Variants in PDIA5 observed in about 807,000 individuals in gnomAD.
PDIA5 encodes the protein protein disulfide-isomerase A5.
A neutral mutation model predicts 77.6 loss-of-function variants in PDIA5; 58 were observed. The ratio of observed to expected loss-of-function variants is 0.75; its 90% CI spans 0.61 to 0.93. The LOEUF is 0.93. Among genes scored for constraint, PDIA5 ranks in the 40% least tolerant of loss-of-function variants. The pLI is 0.00. For synonymous variants in PDIA5, 250 were observed against 252.1 expected (o/e 0.99, Z 0.08); for missense variants, 630 against 647.7 (o/e 0.97, Z 0.30).
At chr3:123,151,773 TG>T (rs1935903128) in intron 14 of PDIA5, among the ~76,000 whole-genome samples, 1 of 136,300 alleles carries the variant, frequency 7.3e-6, no homozygotes, top group African/African-American at 2.7e-5. Flanking sequence ...CCTGCCTGCC[TG>T]CCTGCCTGGC....
chr3:123,122,246 A>G (rs1175947856), intron 8 of PDIA5, among the ~76,000 whole-genome samples: 1 of 152,140 alleles, frequency 6.6e-6, no homozygotes, highest in Admixed American at 6.5e-5. Context: ...TCTGTGGTGA[A>G]TGTGCACTGA....
chr3:123,140,598 A>G (rs200773921), intron 11 of PDIA5, among the ~76,000 whole-genome samples: 1 of 90,786 alleles, frequency 1.1e-5, no homozygotes, highest in African/African-American at 6.5e-5. Context: ...GATGTTGCCT[A>G]TCCATCAGAG....
chr3:123,128,368 C>T (rs2107963598), intron 10 of PDIA5, among the ~76,000 whole-genome samples: 1 of 152,258 alleles, frequency 6.6e-6, no homozygotes, highest in Middle Eastern at 3.4e-3. Context: ...ACTAGAAGTT[C>T]CTCCCGTTCT....
At chr3:123,125,270 C>T (rs1935216840) in intron 10 of PDIA5, among the ~76,000 whole-genome samples, 2 of 152,232 alleles carry the variant, frequency 1.3e-5, no homozygotes, top group Admixed American at 1.3e-4. Context: ...ATCTTTTGGG[C>T]TCTCCTTTGT....
chr3:123,130,363 C>G, intron 10 of PDIA5, 117 bp from the exon 11 acceptor site: 1 of 1,130,654 alleles, frequency 8.8e-7, no homozygotes, highest in Non-Finnish European at 1.2e-6. Context: ...AAAGGCTGAG[C>G]CCCTGGAGTG....
chr3:123,122,323 G>A (rs765844247), intron 8 of PDIA5, among the ~76,000 whole-genome samples: 9 of 152,168 alleles, frequency 5.9e-5, no homozygotes, highest in Non-Finnish European at 1.0e-4. Context: ...ACTGGAACAG[G>A]CCGCTGGAGC....
intron 15 of PDIA5, among the ~76,000 whole-genome samples, chr3:123,156,330 C>T (rs944513514): frequency 2.6e-5 from 4 of 152,192 alleles, no homozygotes; most frequent in Non-Finnish European, 4.4e-5. Flanking sequence ...GCCCTGGCTG[C>T]GGCTTTGAGG....
chr3:123,116,156 TG>T, intron 7 of PDIA5, 74 bp from the exon 8 acceptor site: 1 of 1,186,682 alleles, frequency 8.4e-7, no homozygotes, highest in Non-Finnish European at 1.3e-6. Context: ...AGGATGGCCA[TG>T]GGGAGGCAGG....
intron 1 of PDIA5, chr3:123,088,958 C>T: frequency 2.0e-6 from 1 of 502,020 alleles, no homozygotes; most frequent in Non-Finnish European, 3.6e-6. Flanking sequence ...TCCATACAGC[C>T]TTATAAAAGT....
At chr3:123,145,211 A>C in intron 11 of PDIA5, 1 of 291,178 alleles carries the variant, frequency 3.4e-6, no homozygotes, top group South Asian at 6.6e-5. Context: ...TCTAATCCAT[A>C]GAATGGAGAT....
At position 123,116,234 on chromosome 3, in the gene PDIA5, G is replaced by A. The variant is rs1285931384; in HGVS notation, c.545G>A (p.Cys182Tyr). The A allele has an allele frequency of 3.7e-6, 6 of 1,613,826 alleles. No individual in the cohort carries two copies. The highest frequency in any genetic ancestry group is 1.7e-5 in the Admixed American group (1 of 60,014). Reference protein sequence around the residue: ...PLLIMFYAPWCSMCKRMMPHF... With the variant: ...PLLIMFYAPWYSMCKRMMPHF... ...TCTCTCTCCTGCCTGTGACCAGGGT[G>A]CAGCATGTGCAAGAGGATGATGCCG... is the stretch of plus-strand genomic sequence containing the variant. The change falls in exon 8 of 17, where the codon TGC becomes TAC. Residue 182 changes from cysteine to tyrosine, a missense_variant. Physicochemically the swap from Cys to Tyr is radical, Grantham distance 194. Coordinates refer to ENST00000316218, the MANE Select transcript of PDIA5 (RefSeq NM_006810.4).
intron 15 of PDIA5, among the ~76,000 whole-genome samples, chr3:123,157,019 A>C (rs373400012): frequency 1.3e-5 from 2 of 152,204 alleles, no homozygotes; most frequent in East Asian, 1.9e-4. Context: ...CTCCGCTTAG[A>C]CACTGACACA....
At chr3:123,133,422 C>T (rs568237861) in intron 11 of PDIA5, among the ~76,000 whole-genome samples, 1 of 152,222 alleles carries the variant, frequency 6.6e-6, no homozygotes, top group Non-Finnish European at 1.5e-5. Flanking sequence ...TAGCAGACCA[C>T]AGCTTCTACT....
chr3:123,086,410 C>G (rs1336196828), intron 1 of PDIA5, among the ~76,000 whole-genome samples: 2 of 152,192 alleles, frequency 1.3e-5, no homozygotes, highest in African/African-American at 4.8e-5. Context: ...TCCAAGACTT[C>G]TGACTGCAAA....
chr3:123,111,238 C>T (rs1276806008), intron 7 of PDIA5, among the ~76,000 whole-genome samples: 1 of 152,196 alleles, frequency 6.6e-6, no homozygotes, highest in Non-Finnish European at 1.5e-5. Context: ...TGTCCTTCTA[C>T]CCTCTTTATC....
intron 10 of PDIA5, among the ~76,000 whole-genome samples, chr3:123,126,268 G>A (rs142714474): frequency 2.7e-5 from 4 of 146,892 alleles, no homozygotes; most frequent in Non-Finnish European, 6.0e-5. Flanking sequence ...GCATTGCTCC[G>A]GCTGGCCTGC....
chr3:123,161,663 C>T (rs1936161975), intron 16 of PDIA5: 2 of 656,788 alleles, frequency 3.0e-6, no homozygotes, highest in South Asian at 1.9e-5. Context: ...GTCCTGTCCC[C>T]AGAGGCAGGC....
At chr3:123,095,267 C>G (rs968906672) in intron 3 of PDIA5, among the ~76,000 whole-genome samples, 1 of 152,176 alleles carries the variant, frequency 6.6e-6, no homozygotes, top group African/African-American at 2.4e-5. Context: ...CACCATTCTC[C>G]TAGTGTTGTT....
chr3:123,161,656 C>A, intron 16 of PDIA5: 1 of 663,936 alleles, frequency 1.5e-6, no homozygotes, highest in Non-Finnish European at 2.5e-6. Context: ...CACAGATGTC[C>A]TGTCCCCAGA....
Sources: gnomAD v4.1 joint callset for allele counts (sites outside exome capture counted in the v4.1 genomes callset) on GRCh38, gnomAD v4.1.1 for gene constraint, MANE v1.5 for transcripts, NCBI Gene and HGNC (gene_info 2026-07-23, HGNC 2026-07-21) for gene names.